IL1RAPL1: variants seen among roughly 807,000 people sequenced by gnomAD.
The protein encoded by IL1RAPL1 is interleukin-1 receptor accessory protein-like 1.
IL1RAPL1 carries 3 observed loss-of-function variants against 48.4 expected under a neutral mutation model. That is an observed-to-expected ratio of 0.06 (90% CI 0.03 to 0.16). The LOEUF is 0.16. IL1RAPL1 is among the 10% of genes least tolerant of loss of function. IL1RAPL1 has a pLI of 1.00. For synonymous variants in IL1RAPL1, 185 were observed against 187.7 expected (o/e 0.99, Z 0.12); for missense variants, 349 against 530.6 (o/e 0.66, Z 3.36).
At chrX:29,044,590 A>G (rs1602026923) in intron 2 of IL1RAPL1, among the ~76,000 whole-genome samples, 1 of 111,042 alleles carries the variant, frequency 9.0e-6, no homozygotes, top group African/African-American at 3.3e-5. Flanking sequence ...AACCCGTGAC[A>G]TATACACATT....
At chrX:28,983,112 G>T (rs1447011183) in intron 2 of IL1RAPL1, 1 of 111,960 alleles carries the variant, frequency 8.9e-6, no homozygotes, top group Non-Finnish European at 1.9e-5. Flanking sequence ...ATATCATTTG[G>T]TCTAGATGGA....
intron 5 of IL1RAPL1, among the ~76,000 whole-genome samples, chrX:29,589,088 A>C (rs1446285074): frequency 3.6e-5 from 4 of 111,756 alleles, no homozygotes; most frequent in Non-Finnish European, 7.5e-5. Context: ...CCTGTATTAT[A>C]ACAAGATCCC....
intron 2 of IL1RAPL1, among the ~76,000 whole-genome samples, chrX:29,029,022 T>C (rs1485083909): frequency 9.0e-6 from 1 of 111,422 alleles, no homozygotes; most frequent in Non-Finnish European, 1.9e-5. Context: ...AAACTTACGA[T>C]CATGGTGGAA....
intron 5 of IL1RAPL1, among the ~76,000 whole-genome samples, chrX:29,418,108 TATATATA>T (rs1386835659): frequency 2.9e-4 from 12 of 41,379 alleles, no homozygotes; most frequent in African/African-American, 1.1e-3. Context: ...TATATATATA[TATATATA>T]TATATATATA....
chrX:29,081,110 G>A (rs1325374600), intron 2 of IL1RAPL1, among the ~76,000 whole-genome samples: 1 of 100,508 alleles, frequency 9.9e-6, no homozygotes. Context: ...CTGGAGTGCA[G>A]TGGTGCAATC....
At chrX:29,542,674 G>T (rs936033666) in intron 5 of IL1RAPL1, among the ~76,000 whole-genome samples, 3 of 111,746 alleles carry the variant, frequency 2.7e-5, no homozygotes, top group Non-Finnish European at 5.6e-5. Flanking sequence ...TAAATTCCCT[G>T]TGTGCAGTAA....
intron 2 of IL1RAPL1, among the ~76,000 whole-genome samples, chrX:29,176,217 C>T (rs1930017213): frequency 9.4e-6 from 1 of 106,370 alleles, no homozygotes; most frequent in Non-Finnish European, 1.9e-5. Flanking sequence ...CCTCAGCCGC[C>T]TGAGTAGCTG....
intron 2 of IL1RAPL1, among the ~76,000 whole-genome samples, chrX:28,857,798 C>A (rs754677679): frequency 4.3e-4 from 48 of 111,908 alleles, no homozygotes; most frequent in African/African-American, 1.4e-3. Flanking sequence ...ATCCATTCTG[C>A]AGCCCATGGA....
rs746965820 is a variant in IL1RAPL1, at chrX:28,643,186, G to A, written c.-25+55139G>A. ...TTACAGGTGTGAGCCACCGCACCCG[G>A]CAGTATGTATTATAGGATCTCCTAT... On this transcript the variant is annotated intron_variant, in intron 1 of 10. Transcript: ENST00000378993. Among the ~76,000 whole-genome samples the A allele has an allele frequency of 4.5e-5, 5 of 111,720 alleles. No homozygotes were observed. In the South Asian group the frequency reaches 1.5e-3, roughly 34 times the overall value.
chrX:29,513,958 G>C (rs1194116686), intron 5 of IL1RAPL1, among the ~76,000 whole-genome samples: 1 of 111,615 alleles, frequency 9.0e-6, no homozygotes, highest in Non-Finnish European at 1.9e-5. Flanking sequence ...ATTTCTGGAA[G>C]CTTCTTTAAA....
chrX:29,928,883 G>A (rs948258991), intron 8 of IL1RAPL1, among the ~76,000 whole-genome samples: 1 of 111,408 alleles, frequency 9.0e-6, no homozygotes, highest in African/African-American at 3.3e-5. Flanking sequence ...CTACTATCTC[G>A]GGTCATATAG....
At chrX:29,182,691 A>G (rs1930170773) in intron 2 of IL1RAPL1, among the ~76,000 whole-genome samples, 1 of 110,852 alleles carries the variant, frequency 9.0e-6, no homozygotes, top group Admixed American at 9.7e-5. Context: ...CTTGTAACAT[A>G]TGTGCCCTGT....
intron 4 of IL1RAPL1, 35 bp from the exon 5 acceptor site, chrX:29,399,120 A>G (rs1374480197): frequency 9.0e-7 from 1 of 1,107,749 alleles, no homozygotes; most frequent in South Asian, 1.8e-5. Context: ...TTCCATTACT[A>G]TATGTACTAC....
intron 6 of IL1RAPL1, among the ~76,000 whole-genome samples, chrX:29,913,188 C>T (rs1295694702): frequency 9.0e-6 from 1 of 111,064 alleles, no homozygotes; most frequent in Non-Finnish European, 1.9e-5. Context: ...CCATTGGACT[C>T]CTAGTGTCTA....
intron 1 of IL1RAPL1, among the ~76,000 whole-genome samples, chrX:28,773,653 A>G (rs1334178976): frequency 9.0e-6 from 1 of 111,442 alleles, no homozygotes; most frequent in Non-Finnish European, 1.9e-5. Context: ...GCCAACTCTG[A>G]AGGTTATGTT....
chrX:29,923,684 C>T (rs1385085527), intron 8 of IL1RAPL1, among the ~76,000 whole-genome samples: 1 of 112,520 alleles, frequency 8.9e-6, no homozygotes, highest in Admixed American at 9.4e-5. Flanking sequence ...TACCCAGATA[C>T]ACTTGCTACT....
intron 5 of IL1RAPL1, among the ~76,000 whole-genome samples, chrX:29,629,458 G>T (rs1249838571): frequency 2.7e-5 from 3 of 110,938 alleles, no homozygotes; most frequent in Non-Finnish European, 5.7e-5. Flanking sequence ...ATATAGAAAA[G>T]ATTATAAAGT....
intron 2 of IL1RAPL1, among the ~76,000 whole-genome samples, chrX:28,965,213 G>T (rs1010444306): frequency 1.8e-5 from 2 of 111,413 alleles, no homozygotes; most frequent in African/African-American, 6.5e-5. Flanking sequence ...CCATATAATA[G>T]AATTGAACCT....
chrX:29,898,968 T>A (rs1031241455), intron 6 of IL1RAPL1, among the ~76,000 whole-genome samples: 4 of 112,155 alleles, frequency 3.6e-5, no homozygotes, highest in Admixed American at 1.9e-4. Flanking sequence ...GAAATGCTCC[T>A]TGACAATCTC....
Sources: gnomAD v4.1 joint callset for allele counts (sites outside exome capture counted in the v4.1 genomes callset) on GRCh38, gnomAD v4.1.1 for gene constraint, MANE v1.5 for transcripts, NCBI Gene and HGNC (gene_info 2026-07-23, HGNC 2026-07-21) for gene names.